RGS7: variants seen among roughly 807,000 people sequenced by gnomAD.
The protein encoded by RGS7 is regulator of G-protein signaling 7.
RGS7 carries 27 observed loss-of-function variants against 81.1 expected under a neutral mutation model. The ratio of observed to expected loss-of-function variants is 0.33; its 90% CI spans 0.25 to 0.46. The LOEUF (loss-of-function observed/expected upper bound fraction) is 0.46, where lower values mean the gene tolerates loss of function less well. RGS7 is among the 20% of genes least tolerant of loss of function. The pLI is 1.00. For missense variants in RGS7, 396 were observed against 607.4 expected (o/e 0.65, Z 3.66); for synonymous variants, 208 against 207.7 (o/e 1.00, Z -0.01).
At chr1:240,815,990 G>C (rs6702580) in intron 11 of RGS7, among the ~76,000 whole-genome samples, 114,724 of 152,144 alleles carry the variant, frequency 0.75, 43,563 homozygotes, top group African/African-American at 0.79. Context: ...CTCTTTAAAA[G>C]AGAGCTTTGG....
At chr1:241,202,868 C>T (rs1455387016) in intron 2 of RGS7, among the ~76,000 whole-genome samples, 1 of 152,028 alleles carries the variant, frequency 6.6e-6, no homozygotes, top group Non-Finnish European at 1.5e-5. Context: ...ATTCTAGTTT[C>T]TATGCCTAAC....
intron 2 of RGS7, among the ~76,000 whole-genome samples, chr1:241,283,846 C>A (rs1226179560): frequency 6.6e-6 from 1 of 152,154 alleles, no homozygotes; most frequent in East Asian, 1.9e-4. Flanking sequence ...TGGGTAACTT[C>A]TATTGTTCTA....
intron 2 of RGS7, among the ~76,000 whole-genome samples, chr1:241,182,809 G>A (rs1037983956): frequency 5.5e-5 from 8 of 144,990 alleles, no homozygotes; most frequent in Admixed American, 1.4e-4. Flanking sequence ...CTACCATACC[G>A]GGTTAATTTT....
At chr1:241,062,407 C>A (rs540992699) in intron 3 of RGS7, among the ~76,000 whole-genome samples, 6 of 152,282 alleles carry the variant, frequency 3.9e-5, no homozygotes, top group Non-Finnish European at 8.8e-5. Flanking sequence ...TTTTATTCAA[C>A]CTTATTCCAT....
At chr1:241,267,505 G>A (rs140331347) in intron 2 of RGS7, among the ~76,000 whole-genome samples, 22 of 152,112 alleles carry the variant, frequency 1.4e-4, no homozygotes, top group African/African-American at 5.1e-4. Context: ...CTGGCTACTT[G>A]GCAGACCTTT....
At chr1:241,236,936 G>A (rs916816224) in intron 2 of RGS7, among the ~76,000 whole-genome samples, 21 of 152,110 alleles carry the variant, frequency 1.4e-4, no homozygotes, top group African/African-American at 4.8e-4. Context: ...CTTCCCAACA[G>A]CATTGCTTTG....
chr1:241,220,983 AAGGAAGG>A (rs1558203102), intron 2 of RGS7, among the ~76,000 whole-genome samples: 15 of 85,884 alleles, frequency 1.7e-4, no homozygotes, highest in Admixed American at 4.2e-4. Flanking sequence ...GGAAGGAAGG[AAGGAAGG>A]AAGGAAGAGA....
At chr1:241,108,815 G>C (rs2065309808) in intron 2 of RGS7, among the ~76,000 whole-genome samples, 1 of 152,110 alleles carries the variant, frequency 6.6e-6, no homozygotes, top group Non-Finnish European at 1.5e-5. Flanking sequence ...TAAGACTCCT[G>C]CACAGAATAA....
At chr1:241,335,688 A>AACACACACAC (rs112464128) in intron 2 of RGS7, among the ~76,000 whole-genome samples, 1 of 150,464 alleles carries the variant, frequency 6.6e-6, no homozygotes, top group African/African-American at 2.4e-5. Flanking sequence ...AAGATTTTAA[A>AACACACACAC]ACACACACAC....
chr1:240,796,482 C>T (rs1292019938), intron 18 of RGS7, among the ~76,000 whole-genome samples: 3 of 151,960 alleles, frequency 2.0e-5, no homozygotes, highest in African/African-American at 7.3e-5. Flanking sequence ...GGTCAGGAGT[C>T]CAAGACCAGC....
At position 241,287,748 on chromosome 1, in the gene RGS7, T is replaced by TACAC. The variant is rs3052436; in HGVS notation, c.78+67947_78+67950dup. Among the ~76,000 whole-genome samples the TACAC allele has an allele frequency of 2.3e-4, 34 of 150,864 alleles. 1 individual carries two copies. The highest frequency in any genetic ancestry group is 6.8e-3 in the Middle Eastern group (2 of 292). On this transcript the variant is annotated intron_variant, in intron 2 of 18. Coordinates refer to ENST00000440928, the MANE Select transcript of RGS7 (RefSeq NM_001364886.1). ...ACACACACACATTCAAACACACACA[T>TACAC]ACACACACACACACACGACAGAGGG... is the stretch of plus-strand genomic sequence containing the variant.
chr1:240,991,067 C>T (rs1050215096), intron 3 of RGS7, among the ~76,000 whole-genome samples: 5 of 152,192 alleles, frequency 3.3e-5, no homozygotes, highest in Non-Finnish European at 4.4e-5. Flanking sequence ...GTAATTACTA[C>T]TACTGTGTTC....
intron 3 of RGS7, among the ~76,000 whole-genome samples, chr1:240,988,941 C>T (rs957576256): frequency 6.6e-6 from 1 of 152,094 alleles, no homozygotes; most frequent in Non-Finnish European, 1.5e-5. Context: ...ACATTAACAC[C>T]GGACAAGGCC....
At chr1:241,326,294 G>A (rs537542043) in intron 2 of RGS7, among the ~76,000 whole-genome samples, 1 of 152,278 alleles carries the variant, frequency 6.6e-6, no homozygotes, top group East Asian at 1.9e-4. Context: ...TGTTAACCTG[G>A]CTTCCTCTCA....
chr1:241,065,996 A>C (rs1351018573), intron 3 of RGS7, among the ~76,000 whole-genome samples: 1 of 152,242 alleles, frequency 6.6e-6, no homozygotes, highest in African/African-American at 2.4e-5. Flanking sequence ...GAAGATACAC[A>C]GTAAAAAAGC....
intron 6 of RGS7, among the ~76,000 whole-genome samples, chr1:240,901,457 T>A (rs891307966): frequency 6.6e-6 from 1 of 152,150 alleles, no homozygotes; most frequent in East Asian, 1.9e-4. Flanking sequence ...AATTACCCAG[T>A]CTCAGGTATT....
Position 240,940,138 on chromosome 1 carries a change from A to C in RGS7, c.227-3432T>G, listed in dbSNP as rs148525640. On this transcript the variant is annotated intron_variant, in intron 4 of 18. Transcript: ENST00000440928. ...CTTAATCAAGTAACCCCTACTTTCC[A>C]CTAGTTTTATGCCCCCAATATATTC... Among the ~76,000 whole-genome samples the C allele has an allele frequency of 6.0e-4, 91 of 152,244 alleles. 2 individuals are homozygous for C. In the East Asian group the frequency reaches 0.014, roughly 24 times the overall value.
intron 3 of RGS7, among the ~76,000 whole-genome samples, chr1:240,984,254 T>C (rs1470834216): frequency 6.6e-6 from 1 of 152,090 alleles, no homozygotes; most frequent in East Asian, 1.9e-4. Flanking sequence ...CAAAGTAAGT[T>C]TGAGGAGTAT....
chr1:240,905,468 A>G (rs1412268581), intron 6 of RGS7, among the ~76,000 whole-genome samples: 1 of 152,222 alleles, frequency 6.6e-6, no homozygotes, highest in Non-Finnish European at 1.5e-5. Context: ...ATAAAATGGG[A>G]TCTCAAAATC....
Sources: allele counts gnomAD v4.1 joint callset (sites outside exome capture counted in the v4.1 genomes callset), GRCh38; gene constraint gnomAD v4.1.1; transcripts MANE v1.5; gene names NCBI Gene and HGNC (gene_info 2026-07-23, HGNC 2026-07-21).